The following ATAD2B variants were observed in gnomAD, a reference collection of about 807,000 sequenced individuals.
ATAD2B encodes the protein ATPase family AAA domain containing 2B.
In ATAD2B, 40 loss-of-function variants were observed where a neutral mutation model predicts 167.6. The ratio of observed to expected loss-of-function variants is 0.24; its 90% CI spans 0.19 to 0.31. The LOEUF (loss-of-function observed/expected upper bound fraction) is 0.31. Among genes scored for constraint, ATAD2B ranks in the 10% least tolerant of loss-of-function variants. ATAD2B has a pLI of 1.00. For synonymous variants in ATAD2B, 579 were observed against 596.5 expected (o/e 0.97, Z 0.43); for missense variants, 1,242 against 1,757.2 (o/e 0.71, Z 5.24).
At chr2:23,817,541 C>T (rs1686641226) in intron 17 of ATAD2B, among the ~76,000 whole-genome samples, 2 of 152,184 alleles carry the variant, frequency 1.3e-5, no homozygotes, top group Admixed American at 1.3e-4. Flanking sequence ...TTTCACAGCA[C>T]TTTCGCCATA....
chr2:23,701,800 T>C, the ATAD2B span, among the ~76,000 whole-genome samples: 9,468 of 129,706 alleles, frequency 0.073, 1,032 homozygotes, highest in African/African-American at 0.097. Flanking sequence ...TTGCTTTTTT[T>C]TTTTTTTTTT....
chr2:23,740,756 C>G, the ATAD2B span, among the ~76,000 whole-genome samples: 1 of 152,174 alleles, frequency 6.6e-6, no homozygotes, highest in South Asian at 2.1e-4. Context: ...AAGAGGAAGT[C>G]AAATTGTCCC....
At chr2:23,748,162 C>G (rs573222637), downstream of ATAD2B, among the ~76,000 whole-genome samples, 1 of 152,128 alleles carries the variant, frequency 6.6e-6, no homozygotes, top group Admixed American at 6.6e-5. Flanking sequence ...GATCAGTGTA[C>G]TACAGGAACA....
the ATAD2B span, chr2:23,695,900 T>C: frequency 3.9e-6 from 6 of 1,538,080 alleles, no homozygotes; most frequent in Non-Finnish European, 5.3e-6. This position sits in a 1 kb window ranked among gnomAD's most constrained non-coding sequence, Gnocchi z 7.6. Context: ...CAGGCACAGA[T>C]GCCGACAGTC....
At chr2:23,731,439 A>T in the ATAD2B span, among the ~76,000 whole-genome samples, 2 of 152,228 alleles carry the variant, frequency 1.3e-5, no homozygotes, top group South Asian at 4.1e-4. Context: ...CATCACAATA[A>T]GGAGGATAAC....
chr2:23,883,720 C>T (rs1698293600), intron 6 of ATAD2B: 1 of 667,908 alleles, frequency 1.5e-6, no homozygotes, highest in Admixed American at 3.7e-5. Flanking sequence ...ATATTAACTA[C>T]AGAATTTTTA....
chr2:23,706,599 C>T, the ATAD2B span: 4 of 1,537,194 alleles, frequency 2.6e-6, no homozygotes, highest in African/African-American at 1.4e-5. Flanking sequence ...CCTCCTCCCC[C>T]ACATGCCCTG....
chr2:23,788,426 A>AGAAAGGGCTAAAAT, intron 20 of ATAD2B, 86 bp downstream of exon 20: 1 of 1,438,886 alleles, frequency 6.9e-7, no homozygotes, highest in Non-Finnish European at 9.5e-7. Context: ...ACTTCCAAGA[A>AGAAAGGGCTAAAAT]GAAAGGGCTA....
rs1675293887 is a variant in ATAD2B at position 23,751,048 on chromosome 2, A to G, written c.*998T>C. 3 of 152,116 alleles carry G rather than the reference A, an allele frequency of 2.0e-5. No individual in the cohort carries two copies. The South Asian group carries it at 6.2e-4, about 32-fold the overall frequency. 9.4% of individuals were successfully genotyped at this position (152,116 alleles called of 1,614,324 possible). A position where few individuals can be genotyped will look rare whatever the true frequency, so the allele number is the denominator to read the frequency against. ...CTTTAAAACAAAACAACAATTTACTACATATGAAAACCATTTTTCTCTGGG... is the reference window on the plus strand; with the variant it reads ...CTTTAAAACAAAACAACAATTTACTGCATATGAAAACCATTTTTCTCTGGG... On this transcript the variant is annotated 3_prime_UTR_variant, in exon 28 of 28. Coordinates refer to ENST00000238789, the MANE Select transcript of ATAD2B (RefSeq NM_017552.4).
intron 8 of ATAD2B, among the ~76,000 whole-genome samples, chr2:23,874,565 T>C (rs1696518366): frequency 6.6e-6 from 1 of 151,632 alleles, no homozygotes; most frequent in African/African-American, 2.4e-5. Context: ...TAGCTGAAAA[T>C]AGTGCCGTGT....
chr2:23,919,908 T>C (rs938145185), intron 1 of ATAD2B, among the ~76,000 whole-genome samples: 1 of 151,346 alleles, frequency 6.6e-6, no homozygotes, highest in South Asian at 2.1e-4. Flanking sequence ...CCCAGAACTT[T>C]CGGAGGCCGA....
rs992615968 is a variant in ATAD2B at position 23,882,605 on chromosome 2, G to A, written c.785-1850C>T. ...GGGAGGATCACGAGGTCAGGAGATC[G>A]AGACCATCCTGGCTAACACAGTGAA... On this transcript the variant is annotated intron_variant, in intron 6 of 27. Coordinates refer to ENST00000238789, the MANE Select transcript of ATAD2B (RefSeq NM_017552.4). Among the ~76,000 whole-genome samples the A allele has an allele frequency of 3.3e-4, 50 of 150,474 alleles. 1 individual carries two copies. The highest frequency in any genetic ancestry group is 1.2e-3 in the Admixed American group (18 of 15,070).
At chr2:23,878,010 CAAAGAAAAAAAAAAAAAA>C (rs1697219862) in intron 7 of ATAD2B, among the ~76,000 whole-genome samples, 4 of 28,608 alleles carry the variant, frequency 1.4e-4, no homozygotes, top group Admixed American at 6.1e-4. Context: ...ACCCTATCTC[CAAAGAAAAAAAAAAAAAA>C]AAAAAAAAAA....
rs1693596480 is a variant in ATAD2B, at chr2:23,857,442, C to T, written c.1541G>A (p.Arg514His). 1.3e-6 allele frequency: 2 copies of T among 1,515,538 alleles called. No individual in the cohort carries two copies. Among genetic ancestry groups the T allele is most frequent in the Non-Finnish European group, 1.8e-6 (2 of 1,138,298 alleles). The allele number at this position is 1,515,538 out of a possible 1,614,324, so 93.9% of individuals were successfully genotyped here. A position where few individuals can be genotyped will look rare whatever the true frequency, so the allele number is the denominator to read the frequency against. Residue 514 changes from arginine (R) to histidine (H), a missense_variant, in exon 13 of 28, where the codon CGC (arginine) becomes CAC (histidine). Arg to His is a conservative substitution (Grantham distance 29). Coordinates refer to ENST00000238789, the MANE Select transcript of ATAD2B (RefSeq NM_017552.4). ...GTGGATCTGATCTTGTCTGCTAGAG[C>T]GAACTGGAGCTAATCCATCTATTTC... ...FDEIDGLAPV[R>H]SSRQDQIHSS...
At chr2:23,779,751 TTAA>T (rs1161180677) in intron 22 of ATAD2B, among the ~76,000 whole-genome samples, 1 of 152,160 alleles carries the variant, frequency 6.6e-6, no homozygotes, top group Non-Finnish European at 1.5e-5. Flanking sequence ...AATATATTAA[TTAA>T]TAAGCTTTTC....
In ATAD2B at chr2:23,836,448, C is replaced by T. The variant is rs1208228566; in HGVS notation, c.1569-2370G>A. Among the ~76,000 whole-genome samples the T allele has an allele frequency of 2.6e-5, 4 of 152,164 alleles. No individual in the cohort carries two copies. In the South Asian group the frequency reaches 8.3e-4, roughly 32 times the overall value. On this transcript the variant is annotated intron_variant, in intron 13 of 27. Transcript: ENST00000238789. Reference sequence around the variant, plus strand: ...GCAGCTCTTCTCTCCTCTTCACCCACAAAATGGCAAGCAAGGGGCATGTTT... The same window carrying T: ...GCAGCTCTTCTCTCCTCTTCACCCATAAAATGGCAAGCAAGGGGCATGTTT...
At chr2:23,877,176 C>T (rs971883908) in intron 7 of ATAD2B, among the ~76,000 whole-genome samples, 1 of 151,822 alleles carries the variant, frequency 6.6e-6, no homozygotes, top group African/African-American at 2.4e-5. Context: ...TTTGGAAGGC[C>T]AAGTCAAAGG....
chr2:23,903,271 T>C (rs1230000682), intron 1 of ATAD2B, among the ~76,000 whole-genome samples: 1 of 84,908 alleles, frequency 1.2e-5, no homozygotes, highest in Non-Finnish European at 3.0e-5. Context: ...TAAATAAATG[T>C]TGTTTTCAAG....
At chr2:23,853,479 A>G (rs1283270106) in intron 13 of ATAD2B, among the ~76,000 whole-genome samples, 1 of 152,240 alleles carries the variant, frequency 6.6e-6, no homozygotes, top group Non-Finnish European at 1.5e-5. Context: ...AATGAACAAT[A>G]AAGTATTTAG....
Sources: gnomAD v4.1 joint callset for allele counts (sites outside exome capture counted in the v4.1 genomes callset) on GRCh38, gnomAD v4.1.1 for gene constraint, Gnocchi (gnomAD v3.1) non-coding constraint, MANE v1.5 for transcripts, NCBI Gene and HGNC (gene_info 2026-07-23, HGNC 2026-07-21) for gene names.